Variants in POU6F2 observed in about 807,000 individuals in gnomAD.
POU6F2 encodes POU class 6 homeobox 2, also known as POU domain, class 6, transcription factor 2.
A neutral mutation model predicts 71.3 loss-of-function variants in POU6F2; 31 were observed. The ratio of observed to expected loss-of-function variants is 0.43; its 90% CI spans 0.33 to 0.59. The LOEUF is 0.59. Ranked by LOEUF, POU6F2 falls within the 20% of genes least tolerant of loss-of-function variation. POU6F2 has a pLI of 0.04. For synonymous variants in POU6F2, 347 were observed against 355.7 expected, an observed-to-expected ratio of 0.98 and a Z score of 0.27; for missense variants, 783 against 856.8, an observed-to-expected ratio of 0.91 and a Z score of 1.07.
At chr7:39,199,264 G>T (rs924934927) in intron 2 of POU6F2, among the ~76,000 whole-genome samples, 1 of 152,134 alleles carries the variant, frequency 6.6e-6, no homozygotes, top group African/African-American at 2.4e-5. Flanking sequence ...ATCTGCCCTG[G>T]CCGTCATATC....
chr7:39,279,647 T>C (rs952282358), intron 4 of POU6F2, among the ~76,000 whole-genome samples: 9 of 152,224 alleles, frequency 5.9e-5, no homozygotes, highest in African/African-American at 2.2e-4. Context: ...TTGCCAGCAA[T>C]CTTTGGCATT....
chr7:39,455,160 A>T (rs1328678065), intron 8 of POU6F2, among the ~76,000 whole-genome samples: 1 of 152,154 alleles, frequency 6.6e-6, no homozygotes, highest in African/African-American at 2.4e-5. Flanking sequence ...AAATGTCCCA[A>T]TTAGGTTTAA....
At chr7:39,180,378 C>A (rs1793413624) in intron 2 of POU6F2, among the ~76,000 whole-genome samples, 1 of 152,114 alleles carries the variant, frequency 6.6e-6, no homozygotes. Flanking sequence ...GATGCAAAGA[C>A]AATAGAGGAA....
intron 7 of POU6F2, among the ~76,000 whole-genome samples, chr7:39,436,030 G>C (rs10234850): frequency 0.34 from 51,060 of 151,926 alleles, 9,563 homozygotes; most frequent in East Asian, 0.58. Flanking sequence ...CTGTAGCCTT[G>C]TAGTATAGTT....
intron 2 of POU6F2, among the ~76,000 whole-genome samples, chr7:39,154,324 C>A (rs976432781): frequency 7.2e-5 from 11 of 151,984 alleles, no homozygotes; most frequent in Admixed American, 3.3e-4. Context: ...TGCTTTAGGA[C>A]CCCGGTATAT....
At chr7:39,165,630 A>G (rs1793098206) in intron 2 of POU6F2, among the ~76,000 whole-genome samples, 1 of 152,204 alleles carries the variant, frequency 6.6e-6, no homozygotes, top group Admixed American at 6.5e-5. Context: ...TCAGAATATT[A>G]TCACCTTTAA....
At chr7:39,303,180 G>A (rs189121206) in intron 4 of POU6F2, among the ~76,000 whole-genome samples, 13 of 151,854 alleles carry the variant, frequency 8.6e-5, no homozygotes, top group African/African-American at 2.2e-4. Flanking sequence ...TTTTTGAGAC[G>A]GAGTCTCGCT....
At chr7:39,249,646 T>C (rs984645694) in intron 4 of POU6F2, among the ~76,000 whole-genome samples, 2 of 152,216 alleles carry the variant, frequency 1.3e-5, no homozygotes, top group African/African-American at 4.8e-5. Context: ...AAAAAGCAGC[T>C]TTTTCTTTGT....
At chr7:38,981,790 T>C (rs1788322534) in intron 1 of POU6F2, among the ~76,000 whole-genome samples, 1 of 152,202 alleles carries the variant, frequency 6.6e-6, no homozygotes, top group Non-Finnish European at 1.5e-5. Context: ...TGAAGTGTTG[T>C]AAAGTTGTAC....
chr7:39,196,310 TC>T lies in POU6F2; in HGVS notation c.278-7924del, dbSNP rs535012759. 9.2e-5 allele frequency among the ~76,000 whole-genome samples: 14 copies of T among 152,330 alleles called. No homozygotes were observed. The East Asian group carries it at 2.7e-3, about 29-fold the overall frequency. On this transcript the variant is annotated intron_variant, in intron 2 of 9. Coordinates refer to ENST00000518318, the MANE Select transcript of POU6F2 (RefSeq NM_001370959.1). Reference sequence around the variant, plus strand: ...ATAGATAATGAGTTAGAAAACAAAATCGTATTTTATCAATTTCCCACCAAAT... The same window carrying T: ...ATAGATAATGAGTTAGAAAACAAAATGTATTTTATCAATTTCCCACCAAAT...
At chr7:39,307,142 A>AT (rs1204473230) in intron 4 of POU6F2, among the ~76,000 whole-genome samples, 1 of 152,178 alleles carries the variant, frequency 6.6e-6, no homozygotes, top group Non-Finnish European at 1.5e-5. Context: ...ACTGTTACAC[A>AT]TTTAAAATAA....
At chr7:39,220,935 G>A (rs2128748336) in intron 4 of POU6F2, among the ~76,000 whole-genome samples, 1 of 152,092 alleles carries the variant, frequency 6.6e-6, no homozygotes, top group East Asian at 1.9e-4. Flanking sequence ...TATGCTGTAA[G>A]TGTAAAATTC....
chr7:39,148,275 A>T (rs1449411965), intron 2 of POU6F2, among the ~76,000 whole-genome samples: 1 of 152,152 alleles, frequency 6.6e-6, no homozygotes, highest in Non-Finnish European at 1.5e-5. Flanking sequence ...CAGGGGCCAA[A>T]CCTGTGACAT....
intron 1 of POU6F2, among the ~76,000 whole-genome samples, chr7:39,058,095 C>G (rs1205330970): frequency 6.6e-6 from 1 of 152,206 alleles, no homozygotes; most frequent in African/African-American, 2.4e-5. Flanking sequence ...TAGACTTTCT[C>G]ACCATTCCAT....
chr7:39,287,315 C>T (rs1352294767), intron 4 of POU6F2, among the ~76,000 whole-genome samples: 9 of 152,158 alleles, frequency 5.9e-5, no homozygotes, highest in Admixed American at 3.9e-4. Flanking sequence ...GGCTTGTGCG[C>T]GTGATATGGC....
intron 2 of POU6F2, among the ~76,000 whole-genome samples, chr7:39,187,068 G>A (rs1455635501): frequency 6.6e-6 from 1 of 152,260 alleles, no homozygotes; most frequent in African/African-American, 2.4e-5. Flanking sequence ...TGTTTACTAT[G>A]TGCCAGAAAC....
chr7:39,367,101 G>A (rs1397942078), intron 5 of POU6F2, among the ~76,000 whole-genome samples: 1 of 152,002 alleles, frequency 6.6e-6, no homozygotes, highest in Non-Finnish European at 1.5e-5. Flanking sequence ...TTTCACCCAT[G>A]GCAAACACTA....
chr7:39,028,471 C>T (rs1273139778), intron 1 of POU6F2, among the ~76,000 whole-genome samples: 1 of 151,998 alleles, frequency 6.6e-6, no homozygotes, highest in Non-Finnish European at 1.5e-5. Flanking sequence ...TTACTACTGC[C>T]TCATAAAGGT....
At chr7:39,428,764 A>G (rs1788027751) in intron 6 of POU6F2, among the ~76,000 whole-genome samples, 1 of 150,846 alleles carries the variant, frequency 6.6e-6, no homozygotes, top group South Asian at 2.1e-4. Flanking sequence ...CCATTTCAGC[A>G]CTTCCCTACA....
Sources: allele counts gnomAD v4.1 joint callset (sites outside exome capture counted in the v4.1 genomes callset), GRCh38; gene constraint gnomAD v4.1.1; transcripts MANE v1.5; gene names NCBI Gene and HGNC (gene_info 2026-07-23, HGNC 2026-07-21).